The following NHSL2 variants were observed in gnomAD, a reference collection of about 807,000 sequenced individuals.
NHSL2 encodes NHS-like protein 2.
A neutral mutation model predicts 53.4 loss-of-function variants in NHSL2; 27 were observed. The ratio of observed to expected loss-of-function variants is 0.51; its 90% CI spans 0.37 to 0.70. The LOEUF is 0.70. Ranked by LOEUF, NHSL2 falls within the 30% of genes least tolerant of loss-of-function variation. The probability of loss-of-function intolerance (pLI) is 0.00; values close to 1 mark genes in which losing one functional copy is unlikely to be tolerated. For synonymous variants in NHSL2, 408 were observed against 404.1 expected, an observed-to-expected ratio of 1.01 and a Z score of -0.12; for missense variants, 892 against 980.1, an observed-to-expected ratio of 0.91 and a Z score of 1.20.
At chrX:71,946,691 C>T (rs138916301) in intron 1 of NHSL2, among the ~76,000 whole-genome samples, 2,078 of 112,096 alleles carry the variant, frequency 0.019, 27 homozygotes, top group South Asian at 0.032. Flanking sequence ...CCTGGTTTCT[C>T]AAGTCTTTTT....
At chrX:71,997,456 G>A (rs755411046) in intron 1 of NHSL2, among the ~76,000 whole-genome samples, 1 of 112,302 alleles carries the variant, frequency 8.9e-6, no homozygotes, top group African/African-American at 3.2e-5. Context: ...GAACTCCCTG[G>A]CCCAGTCTCT....
intron 1 of NHSL2, among the ~76,000 whole-genome samples, chrX:72,013,018 T>C (rs1389831598): frequency 8.9e-6 from 1 of 112,726 alleles, no homozygotes; most frequent in Non-Finnish European, 1.9e-5. Flanking sequence ...TTGGCTATTC[T>C]AGTTTCTTTG....
intron 1 of NHSL2, among the ~76,000 whole-genome samples, chrX:71,920,010 C>T: frequency 8.9e-6 from 1 of 112,816 alleles, no homozygotes; most frequent in Admixed American, 9.3e-5. Flanking sequence ...GGTGAAGAAA[C>T]ACCTTCTCAC....
Position 72,134,038 on chromosome X carries a change from A to G in NHSL2, c.437-53A>G. On this transcript the variant is annotated intron_variant, in intron 2 of 7. Transcript: ENST00000633930. ...CTGGCTCATGGCCCTTCCCCGGCCC[A>G]GCGCTCGGCCATGGCACCCTAGAGT... The G allele has an allele frequency of 4.4e-6, 5 of 1,143,488 alleles. No homozygotes were observed. The South Asian group carries it at 5.9e-5, about 13-fold the overall frequency. The allele number at this position is 1,143,488 out of a possible 1,213,427, so 94.2% of individuals were successfully genotyped here. A position where few individuals can be genotyped will look rare whatever the true frequency, so the allele number is the denominator to read the frequency against.
intron 1 of NHSL2, among the ~76,000 whole-genome samples, chrX:72,074,919 A>T (rs1046924148): frequency 8.9e-6 from 1 of 112,328 alleles, no homozygotes; most frequent in Middle Eastern, 4.6e-3. Context: ...TTTCCCTTAG[A>T]TTTCCATTAA....
chrX:72,122,213 C>A lies in NHSL2; in HGVS notation c.281-9866C>A, dbSNP rs12387062. ...CCATTACCTAAAAAAAGACCAAGAC[C>A]CTGCCCTGGATCTTGGAACTCTCCT... is the stretch of plus-strand genomic sequence containing the variant. On this transcript the variant is annotated intron_variant, in intron 1 of 7. Coordinates refer to ENST00000633930, the MANE Select transcript of NHSL2 (RefSeq NM_001013627.3). Among the ~76,000 whole-genome samples the A allele has an allele frequency of 7.2e-3, 804 of 112,112 alleles. 7 individuals are homozygous for A. The highest frequency in any genetic ancestry group is 0.025 in the African/African-American group (773 of 30,763).
At chrX:71,980,559 GGGTGTGTGGGGTGTGT>G (rs1569468933) in intron 1 of NHSL2, among the ~76,000 whole-genome samples, 17 of 14,723 alleles carry the variant, frequency 1.2e-3, no homozygotes, top group African/African-American at 3.3e-3. Flanking sequence ...TGTGTGTGTG[GGGTGTGTGGGGTGTGT>G]GTGTGTGTGT....
At chrX:72,031,253 TC>T (rs1358747982) in intron 1 of NHSL2, among the ~76,000 whole-genome samples, 2 of 111,138 alleles carry the variant, frequency 1.8e-5, no homozygotes, top group Admixed American at 1.9e-4. Flanking sequence ...TTGGGAGGTG[TC>T]TTGGGGCCGA....
intron 1 of NHSL2, among the ~76,000 whole-genome samples, chrX:72,011,838 C>A (rs777029060): frequency 8.9e-6 from 1 of 112,003 alleles, no homozygotes; most frequent in East Asian, 2.8e-4. Context: ...ATATCTCATT[C>A]TGGTTTCAAT....
chrX:71,951,484 C>T (rs952613599), intron 1 of NHSL2, among the ~76,000 whole-genome samples: 1 of 111,944 alleles, frequency 8.9e-6, no homozygotes, highest in Non-Finnish European at 1.9e-5. Flanking sequence ...TTCCCATCAA[C>T]AATGCATAAG....
intron 1 of NHSL2, among the ~76,000 whole-genome samples, chrX:72,008,844 T>G (rs2042104464): frequency 8.9e-6 from 1 of 112,075 alleles, no homozygotes. Flanking sequence ...CCATCGTCTC[T>G]GGCCTGGATT....
chrX:72,038,540 C>T (rs1327178319), intron 1 of NHSL2, among the ~76,000 whole-genome samples: 2 of 112,197 alleles, frequency 1.8e-5, no homozygotes, highest in African/African-American at 6.5e-5. Context: ...TGTCTGTTTC[C>T]AATTCCCATG....
At chrX:71,985,434 G>T (rs2041998954) in intron 1 of NHSL2, among the ~76,000 whole-genome samples, 1 of 112,251 alleles carries the variant, frequency 8.9e-6, no homozygotes, top group Non-Finnish European at 1.9e-5. Flanking sequence ...AAAATAACCA[G>T]TTTCTCAAAT....
At position 72,036,444 on chromosome X, in the gene NHSL2, A is replaced by G. The variant is rs182594477; in HGVS notation, c.281-95635A>G. Among the ~76,000 whole-genome samples, 4 of 112,551 alleles carry G rather than the reference A, an allele frequency of 3.6e-5. No individual in the cohort carries two copies. In the East Asian group the frequency reaches 1.1e-3, roughly 31 times the overall value. On this transcript the variant is annotated intron_variant, in intron 1 of 7. Coordinates refer to ENST00000633930, the MANE Select transcript of NHSL2 (RefSeq NM_001013627.3). ...ATTTATTTTTAATAAAGAAAGTTTA[A>G]TTATGACTTGTCATGAATTTCTTCG...
In NHSL2 at chrX:72,146,446, C is replaced by T. The variant is rs1043303527; in HGVS notation, c.*2872C>T. ...AGGCTGAAAGCCCCTCTCAGAAAGG[C>T]TTGCAGAGAACCCACCACTACTACA... is the stretch of plus-strand genomic sequence containing the variant. On this transcript the variant is annotated 3_prime_UTR_variant, in exon 8 of 8. Transcript: ENST00000633930. 1.5e-4 allele frequency: 17 copies of T among 112,381 alleles called. No homozygotes were observed. The highest frequency in any genetic ancestry group is 3.2e-4 in the Non-Finnish European group (17 of 53,296). The allele number at this position is 112,381 out of a possible 1,213,427, so 9.3% of individuals were successfully genotyped here.
intron 1 of NHSL2, chrX:72,131,127 T>C (rs1242260871): frequency 3.3e-6 from 4 of 1,199,704 alleles, no homozygotes; most frequent in Non-Finnish European, 1.1e-6. Context: ...GCGGGGGCGG[T>C]TCCTTTGACG....
intron 1 of NHSL2, among the ~76,000 whole-genome samples, chrX:71,911,639 C>T (rs1016295231): frequency 2.7e-5 from 3 of 112,665 alleles, no homozygotes; most frequent in African/African-American, 9.7e-5. Flanking sequence ...GTGGCCGCCT[C>T]CTGGGGTTTT....
chrX:72,096,026 C>A (rs2041940960), intron 1 of NHSL2, among the ~76,000 whole-genome samples: 1 of 110,020 alleles, frequency 9.1e-6, no homozygotes, highest in Admixed American at 9.7e-5. Context: ...GCACCCTGAG[C>A]TTTCAGGTCA....
intron 1 of NHSL2, among the ~76,000 whole-genome samples, chrX:72,034,627 A>G (rs774142722): frequency 1.5e-4 from 17 of 112,024 alleles, no homozygotes; most frequent in Middle Eastern, 4.6e-3. Context: ...TTTCACATTC[A>G]GATTATTTAT....
Sources: allele counts gnomAD v4.1 joint callset (sites outside exome capture counted in the v4.1 genomes callset), GRCh38; gene constraint gnomAD v4.1.1; transcripts MANE v1.5; gene names NCBI Gene and HGNC (gene_info 2026-07-23, HGNC 2026-07-21).